Variants in UBAP2L observed in about 807,000 individuals in gnomAD.
UBAP2L encodes ubiquitin-associated protein 2-like.
UBAP2L carries 12 observed loss-of-function variants against 130.6 expected under a neutral mutation model. That is an observed-to-expected ratio of 0.09 (90% CI 0.06 to 0.15). The LOEUF (loss-of-function observed/expected upper bound fraction) is 0.15. Among genes scored for constraint, UBAP2L ranks in the 10% least tolerant of loss-of-function variants. The probability of loss-of-function intolerance (pLI) is 1.00; values close to 1 mark genes in which losing one functional copy is unlikely to be tolerated. For missense variants in UBAP2L, 965 were observed against 1,332.5 expected (o/e 0.72, Z 4.29); for synonymous variants, 503 against 524.7 (o/e 0.96, Z 0.57).
chr1:154,251,003 A>G, intron 12 of UBAP2L, 38 bp from the exon 13 acceptor site: 1 of 1,569,544 alleles, frequency 6.4e-7, no homozygotes, highest in South Asian at 1.2e-5. Context: ...GAGATTCATT[A>G]GCATCTCTGG....
At chr1:154,221,649 G>T (rs927300912) in intron 1 of UBAP2L, among the ~76,000 whole-genome samples, 1 of 152,212 alleles carries the variant, frequency 6.6e-6, no homozygotes, top group African/African-American at 2.4e-5. Context: ...GCTGAGGGGG[G>T]TGAGCCTCCC....
intron 9 of UBAP2L, 125 bp from the exon 10 acceptor site, chr1:154,243,092 A>G: frequency 1.4e-6 from 1 of 708,054 alleles, no homozygotes. Context: ...AGGATTCCTC[A>G]GGGTAGATAG....
chr1:154,233,937 G>A (rs1670774154), intron 4 of UBAP2L, among the ~76,000 whole-genome samples: 1 of 151,458 alleles, frequency 6.6e-6, no homozygotes, highest in African/African-American at 2.4e-5. Flanking sequence ...TTGGTCCTTT[G>A]ACTAATATGC....
intron 4 of UBAP2L, among the ~76,000 whole-genome samples, chr1:154,233,453 T>C (rs1465744497): frequency 6.6e-6 from 1 of 151,892 alleles, no homozygotes; most frequent in African/African-American, 2.4e-5. Flanking sequence ...GCCTCCTGAG[T>C]AGCTGGGATT....
chr1:154,229,073 TCACA>T (rs1001532619), intron 4 of UBAP2L, among the ~76,000 whole-genome samples: 1 of 152,146 alleles, frequency 6.6e-6, no homozygotes, highest in Admixed American at 6.5e-5. Context: ...TTGAACAAAG[TCACA>T]CACTATACTT....
rs2149132494 is a variant in UBAP2L at position 154,270,843 on chromosome 1, C to T, written c.*548C>T. 1.8e-5 allele frequency: 26 copies of T among 1,415,430 alleles called. No individual in the cohort carries two copies. The highest frequency in any genetic ancestry group is 2.2e-5 in the Non-Finnish European group (23 of 1,065,106). 87.7% of individuals were successfully genotyped at this position (1,415,430 alleles called of 1,614,324 possible). ...TGTCTTGTATATATAAAAAGAAAAC[C>T]TCTACCTTCAGCCTCTGCCTATTCT... is the stretch of plus-strand genomic sequence containing the variant. On this transcript the variant is annotated 3_prime_UTR_variant, in exon 27 of 27. Coordinates refer to ENST00000428931, the MANE Select transcript of UBAP2L (RefSeq NM_014847.4).
At position 154,220,995 on chromosome 1, in the gene UBAP2L, G is replaced by A; in HGVS notation, c.-41+20G>A. The A allele has an allele frequency of 1.0e-5, 2 of 193,384 alleles. No individual in the cohort carries two copies. Among genetic ancestry groups the A allele is most frequent in the South Asian group, 1.3e-4 (2 of 15,600 alleles). 12.0% of individuals were successfully genotyped at this position (193,384 alleles called of 1,614,324 possible). Reference sequence around the variant, plus strand: ...ACTGAGGTAAAGTTGGGAGCGCAGCGGCGTTGGCGGCGGCGGCGGCGGCAG... The same window carrying A: ...ACTGAGGTAAAGTTGGGAGCGCAGCAGCGTTGGCGGCGGCGGCGGCGGCAG... On this transcript the variant is annotated intron_variant, in intron 1 of 26. Coordinates refer to ENST00000428931, the MANE Select transcript of UBAP2L (RefSeq NM_014847.4).
At chr1:154,232,671 C>T (rs542016797) in intron 4 of UBAP2L, among the ~76,000 whole-genome samples, 4 of 152,146 alleles carry the variant, frequency 2.6e-5, no homozygotes, top group African/African-American at 7.2e-5. Flanking sequence ...GTCAGGGCTG[C>T]GACTGTCGTT....
rs1380416218 is a variant in UBAP2L, at chr1:154,227,327, A to AATG, written c.140_142dup (p.Asp47dup). On this transcript the variant is annotated inframe_insertion, in exon 3 of 27. Coordinates refer to ENST00000428931, the MANE Select transcript of UBAP2L (RefSeq NM_014847.4). ...ACTTGCACAGATGATTTCGGACCAT[A>AATG]ATGATGCTGACTTTGAGGAGAAGGT... 1 of 1,613,624 alleles carries AATG rather than the reference A, an allele frequency of 6.2e-7. No individual in the cohort carries two copies. Among genetic ancestry groups the AATG allele is most frequent in the East Asian group, 2.2e-5 (1 of 44,890 alleles).
intron 2 of UBAP2L, among the ~76,000 whole-genome samples, chr1:154,226,347 T>C (rs1227671568): frequency 6.6e-6 from 1 of 152,250 alleles, no homozygotes; most frequent in African/African-American, 2.4e-5. Context: ...GGATATTAAC[T>C]TTGATGTAGA....
In UBAP2L at chr1:154,261,569, A is replaced by C. The variant is rs1394100192; in HGVS notation, c.2797-23A>C. The C allele has an allele frequency of 3.1e-6, 5 of 1,612,242 alleles. No homozygotes were observed. The African/African-American group carries it at 5.3e-5, about 17-fold the overall frequency. The stretch of plus-strand genomic sequence containing the variant: ...GGTATTCTGCTGCCAAGTCACTGCA[A>C]ATCTGGCCTTTTTGCTCTTTAGGTG... On this transcript the variant is annotated intron_variant, in intron 23 of 26. Transcript: ENST00000428931.
Position 154,263,324 on chromosome 1 carries a change from C to A in UBAP2L, c.2902+1627C>A, listed in dbSNP as rs1042759111. On this transcript the variant is annotated intron_variant, in intron 24 of 26. Transcript: ENST00000428931. Reference sequence around the variant, plus strand: ...TGGGCTTTTGAACTTGCCCCTCCCCCATTTCCCTCTCCCCCATGTGTCTGA... The same window carrying A: ...TGGGCTTTTGAACTTGCCCCTCCCCAATTTCCCTCTCCCCCATGTGTCTGA... The A allele has an allele frequency of 4.2e-6, 6 of 1,426,704 alleles. No individual in the cohort carries two copies. The East Asian group carries it at 1.3e-4, about 31-fold the overall frequency. 88.4% of individuals were successfully genotyped at this position (1,426,704 alleles called of 1,614,324 possible).
intron 20 of UBAP2L, chr1:154,257,730 AACTG>A (rs1253826770): frequency 2.5e-6 from 1 of 400,084 alleles, no homozygotes; most frequent in East Asian, 4.9e-5. Context: ...CATGTAATCA[AACTG>A]GTTTTTAATC....
At chr1:154,225,556 A>G (rs1450603690) in intron 2 of UBAP2L, among the ~76,000 whole-genome samples, 1 of 151,960 alleles carries the variant, frequency 6.6e-6, no homozygotes, top group South Asian at 2.1e-4. Flanking sequence ...TGTAGCCTCA[A>G]CCTCTGGGGC....
intron 14 of UBAP2L, 116 bp downstream of exon 14, chr1:154,251,769 A>G (rs1042105108): frequency 1.7e-6 from 2 of 1,171,262 alleles, no homozygotes; most frequent in South Asian, 3.0e-5. Flanking sequence ...TGAGGGGGAA[A>G]GTAGTCAGTC....
intron 24 of UBAP2L, among the ~76,000 whole-genome samples, chr1:154,266,298 C>T (rs941702268): frequency 1.3e-5 from 2 of 152,196 alleles, no homozygotes; most frequent in Non-Finnish European, 2.9e-5. Context: ...ATACTCAACA[C>T]GTACCTGGGA....
chr1:154,232,092 G>C (rs1252047103), intron 4 of UBAP2L, among the ~76,000 whole-genome samples: 1 of 152,060 alleles, frequency 6.6e-6, no homozygotes, highest in Non-Finnish European at 1.5e-5. Context: ...ACTTTGGGAG[G>C]CCATGGCGGG....
intron 21 of UBAP2L, among the ~76,000 whole-genome samples, chr1:154,259,560 C>T (rs895758082): frequency 1.3e-5 from 2 of 151,962 alleles, no homozygotes. Context: ...ATTCTATAGC[C>T]CAGTAAAGTA....
downstream of UBAP2L, chr1:154,271,130 C>A: frequency 1.6e-6 from 1 of 608,146 alleles, no homozygotes; most frequent in Admixed American, 3.1e-5. Context: ...ACTGCTACAT[C>A]TACAGCCGAT....
Sources: gnomAD v4.1 joint callset for allele counts (sites outside exome capture counted in the v4.1 genomes callset) on GRCh38, gnomAD v4.1.1 for gene constraint, MANE v1.5 for transcripts, NCBI Gene and HGNC (gene_info 2026-07-23, HGNC 2026-07-21) for gene names.